The following FGF14 variants were observed in gnomAD, a reference collection of about 807,000 sequenced individuals.
FGF14 encodes fibroblast growth factor homologous factor 4.
FGF14 carries 5 observed loss-of-function variants against 25.5 expected under a neutral mutation model. The ratio of observed to expected loss-of-function variants is 0.20; its 90% CI spans 0.10 to 0.41. The LOEUF is 0.41. FGF14 is among the 10% of genes least tolerant of loss of function. The probability of loss-of-function intolerance (pLI) is 1.00; values close to 1 mark genes in which losing one functional copy is unlikely to be tolerated. For missense variants in FGF14, 222 were observed against 320.1 expected, an observed-to-expected ratio of 0.69 and a Z score of 2.34; for synonymous variants, 138 against 118.3, an observed-to-expected ratio of 1.17 and a Z score of -1.08.
intron 1 of FGF14, among the ~76,000 whole-genome samples, chr13:101,956,986 A>G (rs971344064): frequency 5.9e-5 from 9 of 152,110 alleles, no homozygotes; most frequent in African/African-American, 1.9e-4. Context: ...TGAGAGAATA[A>G]TGAGACCATA....
At chr13:102,151,193 T>G (rs987794537) in intron 1 of FGF14, among the ~76,000 whole-genome samples, 2 of 152,178 alleles carry the variant, frequency 1.3e-5, no homozygotes, top group Admixed American at 1.3e-4. Context: ...GGGGGCTAAC[T>G]TATTTTAAGT....
chr13:102,268,623 G>A (rs895891123), intron 1 of FGF14, among the ~76,000 whole-genome samples: 1 of 151,910 alleles, frequency 6.6e-6, no homozygotes. Context: ...TCTCATTTCT[G>A]ACCTGTTATA....
intron 3 of FGF14, among the ~76,000 whole-genome samples, chr13:101,757,539 C>T (rs1234039489): frequency 6.6e-6 from 1 of 152,148 alleles, no homozygotes; most frequent in African/African-American, 2.4e-5. Context: ...CACTTCTCAG[C>T]CTCTCCTTCA....
intron 1 of FGF14, among the ~76,000 whole-genome samples, chr13:102,269,947 C>T (rs777940440): frequency 2.0e-5 from 3 of 152,176 alleles, no homozygotes; most frequent in South Asian, 2.1e-4. Flanking sequence ...CATCTCACCA[C>T]GCCCGAGTGG....
intron 1 of FGF14, among the ~76,000 whole-genome samples, chr13:101,951,648 C>A (rs2036175108): frequency 6.6e-6 from 1 of 152,086 alleles, no homozygotes; most frequent in South Asian, 2.1e-4. Context: ...GATTTTCAAA[C>A]TAGTTGATTT....
intron 3 of FGF14, among the ~76,000 whole-genome samples, chr13:101,767,384 T>C (rs2038475827): frequency 6.6e-6 from 1 of 152,008 alleles, no homozygotes; most frequent in Non-Finnish European, 1.5e-5. Flanking sequence ...CTCCCTAGGG[T>C]TTCAGAAGTG....
intron 1 of FGF14, among the ~76,000 whole-genome samples, chr13:101,954,488 T>A (rs1375192320): frequency 6.6e-6 from 1 of 152,226 alleles, no homozygotes; most frequent in Non-Finnish European, 1.5e-5. Context: ...TACTGCCCAA[T>A]GGTCAGTATT....
intron 1 of FGF14, among the ~76,000 whole-genome samples, chr13:102,281,054 C>T (rs898979555): frequency 6.6e-6 from 1 of 152,166 alleles, no homozygotes; most frequent in Non-Finnish European, 1.5e-5. Flanking sequence ...TCTGCTATTA[C>T]TTTCTTTTAT....
At chr13:102,086,975 G>A (rs900352400) in intron 1 of FGF14, among the ~76,000 whole-genome samples, 1 of 152,166 alleles carries the variant, frequency 6.6e-6, no homozygotes, top group Non-Finnish European at 1.5e-5. Context: ...CTGCTCAGCT[G>A]ATCTTTCTGT....
intron 1 of FGF14, among the ~76,000 whole-genome samples, chr13:101,912,499 G>A (rs1481543964): frequency 2.0e-5 from 3 of 152,128 alleles, no homozygotes; most frequent in Non-Finnish European, 2.9e-5. Flanking sequence ...ATACACCATT[G>A]TAGTCAGTGG....
chr13:102,345,232 T>C (rs769985695), intron 1 of FGF14, among the ~76,000 whole-genome samples: 6 of 152,208 alleles, frequency 3.9e-5, no homozygotes, highest in Non-Finnish European at 7.3e-5. Flanking sequence ...CTTAAGAATA[T>C]TGTCATTTTA....
intron 4 of FGF14, among the ~76,000 whole-genome samples, chr13:101,725,368 A>G (rs1426523018): frequency 1.3e-5 from 2 of 152,030 alleles, no homozygotes; most frequent in Admixed American, 6.6e-5. Flanking sequence ...ATTCACTCAT[A>G]TTTCAGACTC....
rs775032992 is a variant in FGF14 at position 101,875,257 on chromosome 13, C to A, written c.233G>T (p.Arg78Met). 1 of 1,613,182 alleles carries A rather than the reference C, an allele frequency of 6.2e-7. No individual in the cohort carries two copies. Among genetic ancestry groups the A allele is most frequent in the East Asian group, 2.2e-5 (1 of 44,836 alleles). The change falls in exon 2 of 5, where the codon AGG becomes ATG. Residue 78 changes from arginine to methionine, a missense_variant. Coordinates refer to ENST00000376143, the MANE Select transcript of FGF14 (RefSeq NM_004115.4). ...GTGCATTTGCAAGTAGTAGCCTTGC[C>A]TGCAATATAACCTGGTCACTATACC... ...LKGIVTRLYC[R>M]QGYYLQMHPD...
chr13:101,892,889 A>G (rs1483458072), intron 1 of FGF14, among the ~76,000 whole-genome samples: 1 of 151,828 alleles, frequency 6.6e-6, no homozygotes, highest in Non-Finnish European at 1.5e-5. Flanking sequence ...CAAGTGTCCA[A>G]ATCTTGGGAG....
chr13:102,197,670 T>TGATATC (rs2049424107), intron 1 of FGF14, among the ~76,000 whole-genome samples: 1 of 151,876 alleles, frequency 6.6e-6, no homozygotes, highest in Non-Finnish European at 1.5e-5. Context: ...AGATACATAT[T>TGATATC]GATATCTTTT....
intron 1 of FGF14, among the ~76,000 whole-genome samples, chr13:102,199,212 G>T (rs1309521548): frequency 6.6e-6 from 1 of 152,108 alleles, no homozygotes; most frequent in Non-Finnish European, 1.5e-5. Context: ...GCTGGTATTG[G>T]TTGCTTTTTA....
intron 2 of FGF14, among the ~76,000 whole-genome samples, chr13:101,873,074 T>C (rs2140469622): frequency 6.6e-6 from 1 of 152,206 alleles, no homozygotes; most frequent in East Asian, 1.9e-4. Flanking sequence ...TGGAGTGTTT[T>C]TTAGTATCTC....
chr13:101,956,830 T>G (rs2036546467), intron 1 of FGF14, among the ~76,000 whole-genome samples: 3 of 146,816 alleles, frequency 2.0e-5, no homozygotes, highest in Non-Finnish European at 1.5e-5. Flanking sequence ...TATAAAGAAA[T>G]GTGGCTGAGA....
intron 1 of FGF14, among the ~76,000 whole-genome samples, chr13:102,084,254 G>T (rs927408865): frequency 1.3e-5 from 2 of 152,006 alleles, no homozygotes; most frequent in African/African-American, 4.8e-5. Flanking sequence ...TTGCACTCAT[G>T]ATTTTTTAAC....
Sources: gnomAD v4.1 joint callset for allele counts (sites outside exome capture counted in the v4.1 genomes callset) on GRCh38, gnomAD v4.1.1 for gene constraint, MANE v1.5 for transcripts, NCBI Gene and HGNC (gene_info 2026-07-23, HGNC 2026-07-21) for gene names.